The following STAT4 variants were observed in gnomAD, a reference collection of about 807,000 sequenced individuals.
The protein encoded by STAT4 is signal transducer and activator of transcription 4.
STAT4 carries 42 observed loss-of-function variants against 110.5 expected under a neutral mutation model. The observed-to-expected ratio is 0.38, with a 90% CI of 0.30 to 0.49. The LOEUF (loss-of-function observed/expected upper bound fraction) is 0.49. STAT4 is among the 20% of genes least tolerant of loss of function. The probability of loss-of-function intolerance (pLI) is 0.95; values close to 1 mark genes in which losing one functional copy is unlikely to be tolerated. For missense variants in STAT4, 632 were observed against 887.9 expected, an observed-to-expected ratio of 0.71 and a Z score of 3.66; for synonymous variants, 284 against 302.2, an observed-to-expected ratio of 0.94 and a Z score of 0.63.
rs568609273 is a variant in STAT4, at chr2:191,091,669, T to C, written c.274-15344A>G. On this transcript the variant is annotated intron_variant, in intron 3 of 23. Coordinates refer to ENST00000392320, the MANE Select transcript of STAT4 (RefSeq NM_003151.4). This position sits in a 1 kb window ranked among gnomAD's most constrained non-coding sequence, Gnocchi z 5.4. ...CTAATTTCTTACTGCTTGAAATCTG[T>C]CAGGGAATTTTCTAACTGCTCTGTT... 1.1e-4 allele frequency among the ~76,000 whole-genome samples: 17 copies of C among 152,314 alleles called. No homozygotes were observed. In the East Asian group the frequency reaches 3.3e-3, roughly 29 times the overall value.
At chr2:191,108,987 G>A (rs1458786119) in intron 3 of STAT4, among the ~76,000 whole-genome samples, 2 of 152,150 alleles carry the variant, frequency 1.3e-5, no homozygotes, top group African/African-American at 4.8e-5. Context: ...GGTTTCTACT[G>A]GAAAAATTAC....
At position 191,030,891 on chromosome 2, in the gene STAT4, T is replaced by C; in HGVS notation, c.2220+81A>G. ...GTGTTTTCTCCCTACCCAGGCAGTATTTCAGCCCCTTTGATTCACACACCA... is the reference window on the plus strand; with the variant it reads ...GTGTTTTCTCCCTACCCAGGCAGTACTTCAGCCCCTTTGATTCACACACCA... On this transcript the variant is annotated intron_variant, in intron 23 of 23. Coordinates refer to ENST00000392320, the MANE Select transcript of STAT4 (RefSeq NM_003151.4). The surrounding 1 kb of genome is among the most constrained non-coding windows in gnomAD (Gnocchi z 4.4). 7.7e-7 allele frequency: 1 copy of C among 1,303,376 alleles called. No individual in the cohort carries two copies. Among genetic ancestry groups the C allele is most frequent in the Non-Finnish European group, 1.1e-6 (1 of 902,352 alleles). 80.7% of individuals were successfully genotyped at this position (1,303,376 alleles called of 1,614,324 possible).
chr2:191,098,436 A>T (rs1186739358), intron 3 of STAT4, among the ~76,000 whole-genome samples: 1 of 152,214 alleles, frequency 6.6e-6, no homozygotes, highest in East Asian at 1.9e-4. Context: ...TGCAGCCATA[A>T]AAAAGGATGA....
At chr2:191,092,174 G>C (rs1697816965) in intron 3 of STAT4, among the ~76,000 whole-genome samples, 1 of 152,136 alleles carries the variant, frequency 6.6e-6, no homozygotes. Flanking sequence ...GGGAGGTTGA[G>C]GGGGGCAGAT....
intron 14 of STAT4, among the ~76,000 whole-genome samples, chr2:191,048,769 AG>A (rs1696427467): frequency 7.2e-6 from 1 of 138,910 alleles, no homozygotes; most frequent in Non-Finnish European, 1.5e-5. Flanking sequence ...CTGGGCAACA[AG>A]AGTGAGAAAC....
At chr2:191,131,497 T>C (rs1174373573) in intron 3 of STAT4, 1 of 197,522 alleles carries the variant, frequency 5.1e-6, no homozygotes, top group Non-Finnish European at 1.0e-5. Context: ...CTCGTGGATT[T>C]AGCAGCTTTC....
At chr2:191,073,274 A>G (rs1697217765) in intron 4 of STAT4, 84 bp from the exon 5 acceptor site, 12 of 1,118,432 alleles carry the variant, frequency 1.1e-5, no homozygotes, top group Non-Finnish European at 1.6e-5. Flanking sequence ...ATTCGACCTG[A>G]GGTCTGGATC....
rs552481137 is a variant in STAT4, at chr2:191,090,685, C to T, written c.274-14360G>A. Among the ~76,000 whole-genome samples, 20 of 152,186 alleles carry T rather than the reference C, an allele frequency of 1.3e-4. No individual in the cohort carries two copies. The East Asian group carries it at 3.1e-3, about 24-fold the overall frequency. On this transcript the variant is annotated intron_variant, in intron 3 of 23. Transcript: ENST00000392320. This position sits in a 1 kb window ranked among gnomAD's most constrained non-coding sequence, Gnocchi z 4.2. ...ATGCCATTCTCCTGCCTCAGCCTCC[C>T]GAGCAGCTGGGACTAGAGGCACCCG... is the stretch of plus-strand genomic sequence containing the variant.
chr2:191,114,574 A>C (rs1698523237), intron 3 of STAT4, among the ~76,000 whole-genome samples: 1 of 152,202 alleles, frequency 6.6e-6, no homozygotes, highest in South Asian at 2.1e-4. Flanking sequence ...CATTCTCTGC[A>C]TATTTTTCAG....
intron 3 of STAT4, among the ~76,000 whole-genome samples, chr2:191,080,248 T>C (rs903640620): frequency 1.3e-5 from 2 of 152,136 alleles, no homozygotes; most frequent in Non-Finnish European, 2.9e-5. Flanking sequence ...TCTTGATTTA[T>C]TTCAACATAG....
chr2:191,034,798 C>A (rs1053244027), intron 17 of STAT4, among the ~76,000 whole-genome samples: 1 of 152,002 alleles, frequency 6.6e-6, no homozygotes, highest in African/African-American at 2.4e-5. Context: ...AGAAAATAAG[C>A]TTTTTGGTGG....
At chr2:191,148,842 C>G (rs1182391215) in intron 1 of STAT4, among the ~76,000 whole-genome samples, 5 of 152,132 alleles carry the variant, frequency 3.3e-5, no homozygotes, top group Non-Finnish European at 7.4e-5. Flanking sequence ...TGTTTCATTT[C>G]TCTCTGTGAG....
At chr2:191,067,674 C>T (rs1051611888) in intron 6 of STAT4, among the ~76,000 whole-genome samples, 4 of 152,190 alleles carry the variant, frequency 2.6e-5, no homozygotes, top group African/African-American at 7.2e-5. Flanking sequence ...TAACCACTCT[C>T]CTGCTATTCT....
Position 191,146,779 on chromosome 2 carries a change from A to G in STAT4, c.129-22T>C. ...CTCCCTAAAAAAAAAAAGGATTATT[A>G]CACAACAGAAAACAACTTTGTAAAA... On this transcript the variant is annotated intron_variant, in intron 2 of 23. Transcript: ENST00000392320. This position sits in a 1 kb window ranked among gnomAD's most constrained non-coding sequence, Gnocchi z 4.5. 6.6e-7 allele frequency: 1 copy of G among 1,515,904 alleles called. No individual in the cohort carries two copies. The allele number at this position is 1,515,904 out of a possible 1,614,324, so 93.9% of individuals were successfully genotyped here. A position where few individuals can be genotyped will look rare whatever the true frequency, so the allele number is the denominator to read the frequency against.
intron 3 of STAT4, among the ~76,000 whole-genome samples, chr2:191,092,693 G>A (rs1489892564): frequency 6.6e-6 from 1 of 152,140 alleles, no homozygotes; most frequent in East Asian, 1.9e-4. Flanking sequence ...ATTGGGACTG[G>A]TTGGACAGTG....
rs1327297943 is a variant in STAT4, at chr2:191,029,723, C to A, written c.*117G>T. 7 of 962,294 alleles carry A rather than the reference C, an allele frequency of 7.3e-6. No homozygotes were observed. In the African/African-American group the frequency reaches 1.0e-4, roughly 14 times the overall value. The allele number at this position is 962,294 out of a possible 1,614,324, so 59.6% of individuals were successfully genotyped here. On this transcript the variant is annotated 3_prime_UTR_variant, in exon 24 of 24. Transcript: ENST00000392320. The surrounding 1 kb of genome is among the most constrained non-coding windows in gnomAD (Gnocchi z 4.5). Reference sequence around the variant, plus strand: ...TGTGAAGAGAGCTTCAGATGTCAAACATTTCCTAGAACCTGGTATTTACAA... The same window carrying A: ...TGTGAAGAGAGCTTCAGATGTCAAAAATTTCCTAGAACCTGGTATTTACAA...
In STAT4 at chr2:191,051,336, C is replaced by T. The variant is rs1696517062; in HGVS notation, c.1251+3154G>A. Among the ~76,000 whole-genome samples, 2 of 151,006 alleles carry T rather than the reference C, an allele frequency of 1.3e-5. No individual in the cohort carries two copies. Among genetic ancestry groups the T allele is most frequent in the African/African-American group, 4.9e-5 (2 of 40,964 alleles). The stretch of plus-strand genomic sequence containing the variant: ...CGAGAGGAGGCTGATCTGTAAATGC[C>T]ATCACCAACATCTACACAGCCCACC... On this transcript the variant is annotated intron_variant, in intron 14 of 23. Coordinates refer to ENST00000392320, the MANE Select transcript of STAT4 (RefSeq NM_003151.4). The surrounding 1 kb of genome is among the most constrained non-coding windows in gnomAD (Gnocchi z 5.6).
intron 3 of STAT4, among the ~76,000 whole-genome samples, chr2:191,128,036 T>A (rs1293642647): frequency 6.6e-6 from 1 of 152,218 alleles, no homozygotes; most frequent in Non-Finnish European, 1.5e-5. Context: ...CTGTTGATGA[T>A]CCCATATTAG....
At chr2:191,080,587 C>G (rs1241509632) in intron 3 of STAT4, among the ~76,000 whole-genome samples, 1 of 152,098 alleles carries the variant, frequency 6.6e-6, no homozygotes, top group Non-Finnish European at 1.5e-5. Flanking sequence ...ATTTTTTCTA[C>G]ATATGGTTAA....
Sources: allele counts gnomAD v4.1 joint callset (sites outside exome capture counted in the v4.1 genomes callset), GRCh38; gene constraint gnomAD v4.1.1; non-coding constraint Gnocchi (gnomAD v3.1); transcripts MANE v1.5; gene names NCBI Gene and HGNC (gene_info 2026-07-23, HGNC 2026-07-21).